The following GRID2 variants were observed in gnomAD, a reference collection of about 807,000 sequenced individuals.
GRID2 encodes glutamate ionotropic receptor delta type subunit 2.
Under a neutral mutation model 114.8 loss-of-function variants are expected in GRID2, and 33 were observed. The observed-to-expected ratio is 0.29, with a 90% CI of 0.22 to 0.38. GRID2 has a LOEUF of 0.38. Among genes scored for constraint, GRID2 ranks in the 10% least tolerant of loss-of-function variants. The pLI is 1.00. For missense variants in GRID2, 1,184 were observed against 1,257.7 expected (o/e 0.94, Z 0.89); for synonymous variants, 505 against 449.9 (o/e 1.12, Z -1.55).
At chr4:92,482,026 A>G (rs1489804067) in intron 1 of GRID2, among the ~76,000 whole-genome samples, 4 of 69,624 alleles carry the variant, frequency 5.7e-5, no homozygotes, top group Admixed American at 2.6e-4. Flanking sequence ...ATATATATAT[A>G]TATATATAAA....
rs192838437 is a variant in GRID2 at position 93,722,821 on chromosome 4, C to T, written c.2361-46389C>T. 2.3e-3 allele frequency among the ~76,000 whole-genome samples: 353 copies of T among 152,288 alleles called. 4 individuals carry two copies. Among genetic ancestry groups the T allele is most frequent in the Middle Eastern group, 0.014 (4 of 294 alleles). ...TGAATACCTTTACAAACAAAGCAGC[C>T]ATACCTATCTTTCTAATGCATAGAT... On this transcript the variant is annotated intron_variant, in intron 14 of 15. Transcript: ENST00000282020.
At chr4:93,164,599 T>C (rs887885260) in intron 4 of GRID2, 1 of 224,742 alleles carries the variant, frequency 4.4e-6, no homozygotes, top group African/African-American at 2.2e-5. Flanking sequence ...GTTTTTAGGC[T>C]CTATGTTGAC....
chr4:92,846,636 G>T (rs1053468729), intron 2 of GRID2, among the ~76,000 whole-genome samples: 1 of 151,900 alleles, frequency 6.6e-6, no homozygotes, highest in African/African-American at 2.4e-5. Context: ...CCTTTGTTTT[G>T]TCTAATCCAC....
chr4:92,819,068 C>T (rs1019674497), intron 2 of GRID2, among the ~76,000 whole-genome samples: 6 of 152,076 alleles, frequency 3.9e-5, no homozygotes, highest in African/African-American at 1.4e-4. Context: ...CTGTCCTACA[C>T]CAAAGCCCTT....
intron 2 of GRID2, among the ~76,000 whole-genome samples, chr4:92,889,827 G>C (rs1380304479): frequency 6.6e-6 from 1 of 152,062 alleles, no homozygotes; most frequent in Non-Finnish European, 1.5e-5. Flanking sequence ...TAAGCAAAAA[G>C]AGCAAAGCTG....
At chr4:93,057,666 C>T (rs997449197) in intron 2 of GRID2, among the ~76,000 whole-genome samples, 1 of 151,922 alleles carries the variant, frequency 6.6e-6, no homozygotes, top group Non-Finnish European at 1.5e-5. Flanking sequence ...CTCCCCTAGC[C>T]TCAAACTAGT....
chr4:93,419,542 A>G (rs1214877158), intron 9 of GRID2, among the ~76,000 whole-genome samples: 3 of 152,064 alleles, frequency 2.0e-5, no homozygotes, highest in Non-Finnish European at 4.4e-5. Flanking sequence ...CAAATCCGTA[A>G]TAGAGCTTAA....
At chr4:93,141,417 T>C (rs556251983) in intron 4 of GRID2, among the ~76,000 whole-genome samples, 138 of 152,258 alleles carry the variant, frequency 9.1e-4, no homozygotes, top group Non-Finnish European at 1.5e-3. Flanking sequence ...GGCAGTTACC[T>C]TGACTCAAAA....
intron 12 of GRID2, among the ~76,000 whole-genome samples, chr4:93,513,454 T>C (rs939564072): frequency 1.1e-4 from 17 of 152,194 alleles, no homozygotes; most frequent in African/African-American, 4.1e-4. Flanking sequence ...TACAAGTAAA[T>C]GTCCACTCAC....
At position 92,810,461 on chromosome 4, in the gene GRID2, C is replaced by A. The variant is rs190982956; in HGVS notation, c.244+220175C>A. ...TCTATTTAACTAAAAACTACTTGTA[C>A]CCCTGAAGCTACTGAAATAATACAA... On this transcript the variant is annotated intron_variant, in intron 2 of 15. Coordinates refer to ENST00000282020, the MANE Select transcript of GRID2 (RefSeq NM_001510.4). 1.8e-3 allele frequency among the ~76,000 whole-genome samples: 272 copies of A among 152,024 alleles called. 1 individual carries two copies. The highest frequency in any genetic ancestry group is 6.0e-3 in the African/African-American group (250 of 41,498).
intron 1 of GRID2, among the ~76,000 whole-genome samples, chr4:92,420,798 C>T (rs935639364): frequency 6.6e-6 from 1 of 152,166 alleles, no homozygotes; most frequent in African/African-American, 2.4e-5. Context: ...GATTCTTATG[C>T]CTCAGCATCC....
chr4:92,599,296 C>T (rs1457517235), intron 2 of GRID2, among the ~76,000 whole-genome samples: 5 of 151,960 alleles, frequency 3.3e-5, no homozygotes, highest in African/African-American at 1.2e-4. Flanking sequence ...AAATAAGGCG[C>T]TGAGTCATAG....
At chr4:92,787,328 A>G (rs1739364571) in intron 2 of GRID2, among the ~76,000 whole-genome samples, 1 of 151,956 alleles carries the variant, frequency 6.6e-6, no homozygotes, top group African/African-American at 2.4e-5. Flanking sequence ...TTTTAAAATA[A>G]TAGTGAGCAG....
At chr4:92,783,228 G>A (rs9999192) in intron 2 of GRID2, among the ~76,000 whole-genome samples, 89,464 of 151,820 alleles carry the variant, frequency 0.59, 27,464 homozygotes, top group Middle Eastern at 0.77. Context: ...GCTATGTTGT[G>A]GGTTTTCAAA....
intron 14 of GRID2, among the ~76,000 whole-genome samples, chr4:93,678,122 T>C (rs1051273882): frequency 6.6e-6 from 1 of 151,916 alleles, no homozygotes; most frequent in Non-Finnish European, 1.5e-5. Context: ...GAGAACTGCA[T>C]GAAGAATGTA....
Position 93,467,279 on chromosome 4 carries a change from G to C in GRID2, c.1858+11305G>C, listed in dbSNP as rs1724374686. On this transcript the variant is annotated intron_variant, in intron 11 of 15. Transcript: ENST00000282020. ...AATAATTTATACTATTAAAATTATT[G>C]AAAAGGAAAATTATCTTTAGATGTT... Among the ~76,000 whole-genome samples the C allele has an allele frequency of 2.0e-5, 3 of 152,088 alleles. 1 individual carries two copies. The South Asian group carries it at 6.2e-4, about 32-fold the overall frequency.
chr4:93,314,762 A>G (rs1458248152), intron 8 of GRID2, among the ~76,000 whole-genome samples: 1 of 151,422 alleles, frequency 6.6e-6, no homozygotes, highest in Non-Finnish European at 1.5e-5. Flanking sequence ...CACACACACT[A>G]CATCACACAT....
At chr4:92,989,761 C>A (rs1053552877) in intron 2 of GRID2, among the ~76,000 whole-genome samples, 12 of 152,136 alleles carry the variant, frequency 7.9e-5, no homozygotes, top group Non-Finnish European at 1.3e-4. Flanking sequence ...CAAAATCTTT[C>A]ACACAATTCA....
chr4:92,664,620 CATT>C (rs1274034200), intron 2 of GRID2, among the ~76,000 whole-genome samples: 15 of 150,984 alleles, frequency 9.9e-5, no homozygotes, highest in African/African-American at 1.9e-4. Flanking sequence ...TTGTTCTCTT[CATT>C]ATTAAGAATG....
Sources: gnomAD v4.1 joint callset for allele counts (sites outside exome capture counted in the v4.1 genomes callset) on GRCh38, gnomAD v4.1.1 for gene constraint, MANE v1.5 for transcripts, NCBI Gene and HGNC (gene_info 2026-07-23, HGNC 2026-07-21) for gene names.